CTNNA2: variants seen among roughly 807,000 people sequenced by gnomAD.
CTNNA2 encodes catenin alpha 2.
Under a neutral mutation model 101.0 loss-of-function variants are expected in CTNNA2, and 42 were observed. That is an observed-to-expected ratio of 0.42 (90% CI 0.32 to 0.54). The LOEUF is 0.54. Among genes scored for constraint, CTNNA2 ranks in the 20% least tolerant of loss-of-function variants. The pLI, the probability that CTNNA2 is intolerant of heterozygous loss-of-function variation, is 0.14. For missense variants in CTNNA2, 871 were observed against 1,223.1 expected, an observed-to-expected ratio of 0.71 and a Z score of 4.29; for synonymous variants, 450 against 456.4, an observed-to-expected ratio of 0.99 and a Z score of 0.18.
intron 2 of CTNNA2, among the ~76,000 whole-genome samples, chr2:79,262,218 T>C (rs1674931855): frequency 6.6e-6 from 1 of 152,146 alleles, no homozygotes; most frequent in Non-Finnish European, 1.5e-5. Flanking sequence ...GGTACTCCTA[T>C]ATGGAATAAT....
At chr2:80,322,125 C>CT (rs1167848193) in intron 7 of CTNNA2, among the ~76,000 whole-genome samples, 4 of 152,234 alleles carry the variant, frequency 2.6e-5, no homozygotes, top group Admixed American at 1.3e-4. Context: ...ATTTAGCTCA[C>CT]TTTTTTTCTT....
intron 7 of CTNNA2, chr2:80,162,381 A>T: frequency 7.1e-7 from 1 of 1,402,324 alleles, no homozygotes; most frequent in South Asian, 1.5e-5. Context: ...TCAACAAAAT[A>T]TTTCCATATC....
At chr2:80,618,789 C>T (rs1057247069) in intron 17 of CTNNA2, 20 of 211,554 alleles carry the variant, frequency 9.5e-5, no homozygotes, top group Non-Finnish European at 1.6e-4. Flanking sequence ...CCCCTTTGAG[C>T]CCCACTATAG....
chr2:79,626,601 ATG>A (rs1679319451), intron 1 of CTNNA2, among the ~76,000 whole-genome samples: 5 of 137,818 alleles, frequency 3.6e-5, no homozygotes, highest in Non-Finnish European at 7.8e-5. Flanking sequence ...ATGTATGTGT[ATG>A]TGCGTGTGTG....
At chr2:79,911,915 T>C (rs756586112) in intron 7 of CTNNA2, among the ~76,000 whole-genome samples, 1 of 152,214 alleles carries the variant, frequency 6.6e-6, no homozygotes, top group Non-Finnish European at 1.5e-5. Flanking sequence ...GCACAGTCAA[T>C]TTGTATTTAT....
intron 1 of CTNNA2, among the ~76,000 whole-genome samples, chr2:79,613,239 G>A (rs1254738578): frequency 6.6e-6 from 1 of 151,610 alleles, no homozygotes; most frequent in African/African-American, 2.4e-5. Context: ...GTGTAGTGAA[G>A]CTTCAACCTC....
At chr2:79,347,216 CAAAT>C (rs1471298578) in intron 3 of CTNNA2, among the ~76,000 whole-genome samples, 1 of 152,004 alleles carries the variant, frequency 6.6e-6, no homozygotes, top group Non-Finnish European at 1.5e-5. Flanking sequence ...GTGAAACAAA[CAAAT>C]AAATAAATAA....
In CTNNA2 at chr2:79,651,578, A is replaced by G. The variant is rs774611614; in HGVS notation, c.22A>G (p.Ile8Val). Residue 8 changes from isoleucine (I) to valine (V), a missense_variant, in exon 2 of 19, where the codon ATC becomes GTC. By Grantham distance (29) the Ile-to-Val change is conservative (BLOSUM62 3). Around this residue, in one of 5 missense-constraint regions of CTNNA2, gnomAD observed 647 missense variants for 831.5 expected, o/e 0.78. Transcript: ENST00000402739. MTSATSP[I>V]ILKWDPKSLE... Reference sequence around the variant, plus strand: ...GAGCATGACTTCGGCAACTTCACCTATCATTCTGAAATGGGACCCCAAAAG... The same window carrying G: ...GAGCATGACTTCGGCAACTTCACCTGTCATTCTGAAATGGGACCCCAAAAG... 4 of 1,613,828 alleles carry G rather than the reference A, an allele frequency of 2.5e-6. No homozygotes were observed. Among genetic ancestry groups the G allele is most frequent in the East Asian group, 2.2e-5 (1 of 44,878 alleles).
At chr2:80,278,066 G>T (rs968887984) in intron 7 of CTNNA2, among the ~76,000 whole-genome samples, 1 of 152,050 alleles carries the variant, frequency 6.6e-6, no homozygotes, top group Non-Finnish European at 1.5e-5. Flanking sequence ...GACACCTGCC[G>T]TTGTCCAGGT....
At chr2:80,596,276 GTTGTTTTTTTT>G (rs1696949189) in intron 15 of CTNNA2, among the ~76,000 whole-genome samples, 1 of 52,238 alleles carries the variant, frequency 1.9e-5, no homozygotes, top group African/African-American at 6.1e-5. Context: ...CTGAGACAAG[GTTGTTTTTTTT>G]TTTTTTTTTT....
chr2:79,678,249 C>A (rs769597324), intron 2 of CTNNA2, among the ~76,000 whole-genome samples: 8 of 152,244 alleles, frequency 5.3e-5, no homozygotes, highest in Middle Eastern at 6.8e-3. Context: ...GGTAAAAGGT[C>A]TCTATCCCCA....
At chr2:79,771,544 G>A (rs1673580688) in intron 3 of CTNNA2, among the ~76,000 whole-genome samples, 1 of 152,214 alleles carries the variant, frequency 6.6e-6, no homozygotes, top group Admixed American at 6.5e-5. Flanking sequence ...ATCTGGGGGT[G>A]ATGGGAGACA....
intron 7 of CTNNA2, among the ~76,000 whole-genome samples, chr2:80,132,222 A>C (rs1168352533): frequency 6.6e-6 from 1 of 152,138 alleles, no homozygotes; most frequent in African/African-American, 2.4e-5. Context: ...AAGAGTAGAC[A>C]CATTGCTACT....
chr2:79,500,166 T>C (rs1312277665), intron 4 of CTNNA2, among the ~76,000 whole-genome samples: 1 of 152,244 alleles, frequency 6.6e-6, no homozygotes, highest in Non-Finnish European at 1.5e-5. Context: ...TGCTCATTCA[T>C]GACCTTTCAA....
chr2:79,957,572 A>G (rs1374272452), intron 7 of CTNNA2, among the ~76,000 whole-genome samples: 1 of 152,190 alleles, frequency 6.6e-6, no homozygotes, highest in African/African-American at 2.4e-5. Flanking sequence ...CTTCAGGGCC[A>G]GGAGTAATAA....
At chr2:80,294,664 A>G (rs1675583970) in intron 7 of CTNNA2, among the ~76,000 whole-genome samples, 1 of 152,030 alleles carries the variant, frequency 6.6e-6, no homozygotes, top group Non-Finnish European at 1.5e-5. Flanking sequence ...AATAAAAATA[A>G]TTCTCCTCAC....
At chr2:79,239,113 C>G (rs1286338311) in intron 2 of CTNNA2, among the ~76,000 whole-genome samples, 1 of 152,036 alleles carries the variant, frequency 6.6e-6, no homozygotes, top group Non-Finnish European at 1.5e-5. Context: ...GCTTTCCTTC[C>G]TCCAACCTCA....
At chr2:79,682,410 CA>C (rs10674928) in intron 2 of CTNNA2, among the ~76,000 whole-genome samples, 116 of 73,320 alleles carry the variant, frequency 1.6e-3, no homozygotes, top group African/African-American at 3.6e-3. Context: ...AACTCCATCT[CA>C]AAAAAAAAAA....
chr2:79,489,946 T>C (rs978664450), intron 4 of CTNNA2, among the ~76,000 whole-genome samples: 7 of 152,274 alleles, frequency 4.6e-5, no homozygotes, highest in Admixed American at 3.3e-4. Context: ...CCTCGTCTCA[T>C]TGTCACTGTA....
Sources: gnomAD v4.1 joint callset for allele counts (sites outside exome capture counted in the v4.1 genomes callset) on GRCh38, gnomAD v4.1.1 for gene constraint, gnomAD v4.1.1 regional missense constraint, MANE v1.5 for transcripts, NCBI Gene and HGNC (gene_info 2026-07-23, HGNC 2026-07-21) for gene names.